CCNJL: variants seen among roughly 807,000 people sequenced by gnomAD.
CCNJL encodes cyclin-J-like protein.
CCNJL carries 33 observed loss-of-function variants against 33.4 expected under a neutral mutation model. The ratio of observed to expected loss-of-function variants is 0.99; its 90% CI spans 0.75 to 1.32. CCNJL has a LOEUF of 1.32. CCNJL is among the 40% of genes most tolerant of loss of function. The pLI is 0.00. For missense variants in CCNJL, 512 were observed against 499.7 expected (o/e 1.02, Z -0.23); for synonymous variants, 227 against 220.9 (o/e 1.03, Z -0.24).
At chr5:160,258,264 GA>G in intron 4 of CCNJL, 1 of 696,368 alleles carries the variant, frequency 1.4e-6, no homozygotes, top group Non-Finnish European at 2.6e-6. Context: ...TGGCTGGCAA[GA>G]AGGCTGTTGC....
chr5:160,251,381 A>G lies in CCNJL; in HGVS notation c.*1997T>C, dbSNP rs1200642302. 1 of 152,184 alleles carries G rather than the reference A, an allele frequency of 6.6e-6. No homozygotes were observed. The highest frequency in any genetic ancestry group is 1.5e-5 in the Non-Finnish European group (1 of 68,030). 9.4% of individuals were successfully genotyped at this position (152,184 alleles called of 1,614,324 possible). On this transcript the variant is annotated 3_prime_UTR_variant, in exon 6 of 6. Transcript: ENST00000257536. ...CTGCAATCACATGAGCCAATTCCTT[A>G]AAATAAATCTCTCTCCATATATATC...
chr5:160,298,846 A>AT (rs1316961209), intron 2 of CCNJL, among the ~76,000 whole-genome samples: 1 of 152,270 alleles, frequency 6.6e-6, no homozygotes, highest in Non-Finnish European at 1.5e-5. Flanking sequence ...CAAATCCAGA[A>AT]TATAGGACAT....
chr5:160,311,931 G>A lies in CCNJL; in HGVS notation c.-8C>T. On this transcript the variant is annotated 5_prime_UTR_variant, in exon 2 of 6. Coordinates refer to ENST00000257536, the MANE Select transcript of CCNJL (RefSeq NM_001308173.3). ...CCACGGCTCATCCATCATCGCGTAC[G>A]CAGCGCCGCTATCCGAGGCTACCCG... 1 of 1,613,832 alleles carries A rather than the reference G, an allele frequency of 6.2e-7. No individual in the cohort carries two copies. The highest frequency in any genetic ancestry group is 2.2e-5 in the East Asian group (1 of 44,864).
chr5:160,290,857 C>A (rs1446018375), intron 2 of CCNJL, among the ~76,000 whole-genome samples: 2 of 151,532 alleles, frequency 1.3e-5, no homozygotes, highest in African/African-American at 4.9e-5. Flanking sequence ...GTTGTATAAA[C>A]CTATTTATCA....
At chr5:160,280,498 C>G in intron 3 of CCNJL, 27 bp downstream of exon 3, 1 of 1,588,966 alleles carries the variant, frequency 6.3e-7, no homozygotes, top group Non-Finnish European at 8.6e-7. Context: ...CGCACAAGCG[C>G]GGAGGAAGAC....
intron 1 of CCNJL, chr5:160,327,101 C>T: frequency 3.3e-6 from 1 of 301,232 alleles, no homozygotes; most frequent in South Asian, 3.1e-5. Flanking sequence ...GCAATAAATG[C>T]TATGGGATTG....
At chr5:160,309,530 G>T (rs927941493) in intron 2 of CCNJL, among the ~76,000 whole-genome samples, 7 of 152,196 alleles carry the variant, frequency 4.6e-5, no homozygotes, top group African/African-American at 1.7e-4. Flanking sequence ...TACAGTGTTA[G>T]AAACATATTA....
At chr5:160,308,420 G>A (rs959129083) in intron 2 of CCNJL, among the ~76,000 whole-genome samples, 6 of 152,228 alleles carry the variant, frequency 3.9e-5, no homozygotes, top group African/African-American at 1.4e-4. Context: ...CTCTTCTCGT[G>A]TAGCATGTAT....
chr5:160,316,168 T>C (rs1260467648), upstream of CCNJL, among the ~76,000 whole-genome samples: 1 of 152,186 alleles, frequency 6.6e-6, no homozygotes, highest in Non-Finnish European at 1.5e-5. Flanking sequence ...TGTCCACAGG[T>C]GCCCTTAGCA....
At chr5:160,298,333 T>C (rs551993262) in intron 2 of CCNJL, among the ~76,000 whole-genome samples, 2 of 151,254 alleles carry the variant, frequency 1.3e-5, no homozygotes, top group African/African-American at 4.9e-5. Flanking sequence ...CGCTCCAGTG[T>C]GGGCAACAGA....
At chr5:160,309,976 T>C (rs1763211984) in intron 2 of CCNJL, among the ~76,000 whole-genome samples, 1 of 152,198 alleles carries the variant, frequency 6.6e-6, no homozygotes, top group Admixed American at 6.5e-5. Context: ...CTTGCTTCTT[T>C]GAGCAGCCGA....
At chr5:160,292,676 ATAG>A (rs917349354) in intron 2 of CCNJL, among the ~76,000 whole-genome samples, 4 of 131,542 alleles carry the variant, frequency 3.0e-5, no homozygotes, top group South Asian at 2.4e-4. Flanking sequence ...GTATATATAT[ATAG>A]TAGTTTTATA....
rs187294076 is a variant in CCNJL at position 160,295,896 on chromosome 5, C to G, written c.67-15158G>C. ...TCACAGTAGCCCTAGGGACCTAATA[C>G]ACCCTCTATTTCCTGTCTCACCGAA... On this transcript the variant is annotated intron_variant, in intron 2 of 5. Coordinates refer to ENST00000257536, the MANE Select transcript of CCNJL (RefSeq NM_001308173.3). Among the ~76,000 whole-genome samples, 235 of 152,308 alleles carry G rather than the reference C, an allele frequency of 1.5e-3. 1 individual carries two copies. Among genetic ancestry groups the G allele is most frequent in the Middle Eastern group, 3.4e-3 (1 of 294 alleles).
At chr5:160,324,542 C>T (rs957417446) in intron 1 of CCNJL, among the ~76,000 whole-genome samples, 2 of 152,126 alleles carry the variant, frequency 1.3e-5, no homozygotes, top group African/African-American at 4.8e-5. Context: ...CATTGTACTC[C>T]AGCCTGGGCA....
chr5:160,259,807 G>T, intron 3 of CCNJL, 36 bp from the exon 4 acceptor site: 1 of 1,549,476 alleles, frequency 6.5e-7, no homozygotes, highest in Non-Finnish European at 8.8e-7. Context: ...GTTACTGGAA[G>T]ACATTTACCT....
chr5:160,265,260 CCAGGCT>C (rs1761526673), intron 3 of CCNJL, among the ~76,000 whole-genome samples: 1 of 152,152 alleles, frequency 6.6e-6, no homozygotes, highest in East Asian at 1.9e-4. Flanking sequence ...GGTGCTTAAC[CCAGGCT>C]CAGAGATTAG....
chr5:160,258,000 C>T (rs1346951699), intron 4 of CCNJL, among the ~76,000 whole-genome samples: 1 of 152,036 alleles, frequency 6.6e-6, no homozygotes, highest in African/African-American at 2.4e-5. Flanking sequence ...GCGCCCACCA[C>T]CACACCTGGC....
intron 3 of CCNJL, chr5:160,269,693 G>A (rs1171581730): frequency 2.9e-6 from 1 of 349,438 alleles, no homozygotes; most frequent in Non-Finnish European, 5.7e-6. Context: ...TGCTGGCTCA[G>A]AAGGAAGTGT....
chr5:160,255,516 T>A (rs1191370621), intron 5 of CCNJL, 33 bp downstream of exon 5: 2 of 1,608,726 alleles, frequency 1.2e-6, no homozygotes, highest in East Asian at 2.2e-5. Context: ...ACCTCACTAT[T>A]TCAGAAACAC....
Sources: gnomAD v4.1 joint callset for allele counts (sites outside exome capture counted in the v4.1 genomes callset) on GRCh38, gnomAD v4.1.1 for gene constraint, MANE v1.5 for transcripts, NCBI Gene and HGNC (gene_info 2026-07-23, HGNC 2026-07-21) for gene names.